TMEM181: variants seen among roughly 807,000 people sequenced by gnomAD.
TMEM181 encodes transmembrane protein 181, also known as G protein-coupled receptor 178.
In TMEM181, 39 loss-of-function variants were observed where a neutral mutation model predicts 71.9. The ratio of observed to expected loss-of-function variants is 0.54; its 90% CI spans 0.42 to 0.71. TMEM181 has a LOEUF of 0.71. Among genes scored for constraint, TMEM181 ranks in the 30% least tolerant of loss-of-function variants. The pLI is 0.00. For missense variants in TMEM181, 595 were observed against 583.0 expected (o/e 1.02, Z -0.21); for synonymous variants, 245 against 228.8 (o/e 1.07, Z -0.64).
Position 158,629,773 on chromosome 6 carries a change from C to G in TMEM181, c.1236C>G (p.Leu412=), listed in dbSNP as rs1333237690. 6 of 1,613,844 alleles carry G rather than the reference C, an allele frequency of 3.7e-6. No individual in the cohort carries two copies. The Admixed American group carries it at 5.0e-5, about 13-fold the overall frequency. ...LSFYGLLNFY[L]YTLAFVYSPS... is the part of the protein sequence containing the mutation. ...TCTATGGCCTGTTGAACTTCTATCTCTACACCTTGGCCTTTGTATATTCTC... is the reference window on the plus strand; with the variant it reads ...TCTATGGCCTGTTGAACTTCTATCTGTACACCTTGGCCTTTGTATATTCTC... Residue 412 remains leucine (L), a synonymous_variant, in exon 15 of 17, where the codon CTC becomes CTG. Coordinates refer to ENST00000684151, the MANE Select transcript of TMEM181 (RefSeq NM_001376852.1).
At chr6:158,596,639 A>AT (rs1784403612) in intron 6 of TMEM181, among the ~76,000 whole-genome samples, 2 of 152,144 alleles carry the variant, frequency 1.3e-5, no homozygotes, top group African/African-American at 2.4e-5. Context: ...GTCTGTTTTC[A>AT]TGCTGCTGAC....
chr6:158,583,441 G>A (rs929131228), intron 3 of TMEM181, among the ~76,000 whole-genome samples: 13 of 152,102 alleles, frequency 8.5e-5, no homozygotes, highest in African/African-American at 3.1e-4. Context: ...AGAGACAGAC[G>A]TGAATTGCTG....
At chr6:158,599,241 A>G (rs1561677) in intron 6 of TMEM181, among the ~76,000 whole-genome samples, 1 of 152,036 alleles carries the variant, frequency 6.6e-6, no homozygotes, top group African/African-American at 2.4e-5. Flanking sequence ...TGCACGGAGG[A>G]CAAGGTTGTG....
At chr6:158,568,942 G>A (rs142006494) in intron 1 of TMEM181, among the ~76,000 whole-genome samples, 5,757 of 152,240 alleles carry the variant, frequency 0.038, 341 homozygotes, top group Admixed American at 0.18. Context: ...TGTTTCTGAG[G>A]TTTCTGAAGT....
chr6:158,619,328 T>C (rs1038956881), intron 10 of TMEM181, among the ~76,000 whole-genome samples: 4 of 152,230 alleles, frequency 2.6e-5, no homozygotes, highest in Non-Finnish European at 1.5e-5. Context: ...TCTTATGCCA[T>C]GGTTTTCAGC....
chr6:158,603,452 C>T (rs73014237), intron 6 of TMEM181, among the ~76,000 whole-genome samples: 1 of 152,322 alleles, frequency 6.6e-6, no homozygotes, highest in Non-Finnish European at 1.5e-5. Context: ...CTCGCTGGCC[C>T]ACTGCTCATC....
chr6:158,562,013 G>A (rs190762780), intron 1 of TMEM181, among the ~76,000 whole-genome samples: 27 of 152,254 alleles, frequency 1.8e-4, no homozygotes, highest in Middle Eastern at 3.4e-3. Flanking sequence ...AGGTGAGAAA[G>A]GTGAGAAAGA....
chr6:158,581,131 C>CA (rs1783446802), intron 3 of TMEM181, 136 bp downstream of exon 3: 3 of 782,994 alleles, frequency 3.8e-6, no homozygotes, highest in Non-Finnish European at 6.1e-6. Flanking sequence ...ATTTCTTCTT[C>CA]CATTGTCAGC....
intron 1 of TMEM181, among the ~76,000 whole-genome samples, chr6:158,561,642 G>A (rs991313864): frequency 2.6e-5 from 4 of 152,306 alleles, no homozygotes; most frequent in Admixed American, 2.0e-4. Context: ...AGGGTCCTGC[G>A]CTGTTACAGG....
rs1786785648 is a variant in TMEM181, at chr6:158,633,718, T to G, written c.*1830T>G. ...AATATGGATTCTATTCACATTTGTT[T>G]TAAAAACCTTGTAAATATGAATGTT... On this transcript the variant is annotated 3_prime_UTR_variant, in exon 17 of 17. Coordinates refer to ENST00000684151, the MANE Select transcript of TMEM181 (RefSeq NM_001376852.1). The G allele has an allele frequency of 6.6e-6, 1 of 152,240 alleles. No homozygotes were observed. 9.4% of individuals were successfully genotyped at this position (152,240 alleles called of 1,614,324 possible). A position where few individuals can be genotyped will look rare whatever the true frequency, so the allele number is the denominator to read the frequency against.
upstream of TMEM181, among the ~76,000 whole-genome samples, chr6:158,557,521 T>TTTA (rs1781941596): frequency 6.6e-6 from 1 of 151,496 alleles, no homozygotes; most frequent in African/African-American, 2.4e-5. Context: ...TATTTATTTA[T>TTTA]TTATTTATTT....
intron 1 of TMEM181, among the ~76,000 whole-genome samples, chr6:158,564,287 G>A (rs1782357696): frequency 6.6e-6 from 1 of 152,184 alleles, no homozygotes; most frequent in Non-Finnish European, 1.5e-5. Flanking sequence ...TCCACATTCT[G>A]GGTGTGCATT....
intron 7 of TMEM181, among the ~76,000 whole-genome samples, 197 bp downstream of exon 7, chr6:158,605,544 T>C (rs1302086796): frequency 6.6e-5 from 10 of 152,200 alleles, no homozygotes. Flanking sequence ...TGGTATCATG[T>C]ATTCAGGATT....
At chr6:158,561,365 C>G (rs544024115) in intron 1 of TMEM181, among the ~76,000 whole-genome samples, 1 of 152,290 alleles carries the variant, frequency 6.6e-6, no homozygotes, top group Non-Finnish European at 1.5e-5. Context: ...TTTTAAAAGC[C>G]AAGTGGAGGT....
intron 7 of TMEM181, 77 bp from the exon 8 acceptor site, chr6:158,607,167 T>C (rs1345842430): frequency 1.2e-5 from 14 of 1,189,664 alleles, no homozygotes; most frequent in Non-Finnish European, 1.4e-5. Flanking sequence ...CAACCTGGTA[T>C]GCCGGCAAGG....
At chr6:158,609,959 C>T (rs1283185328) in intron 10 of TMEM181, 2 of 226,446 alleles carry the variant, frequency 8.8e-6, no homozygotes, top group African/African-American at 4.6e-5. Flanking sequence ...TGCCATGAGG[C>T]CCACCGACGT....
chr6:158,550,270 C>T (rs1051424669), intron 1 of TMEM181, among the ~76,000 whole-genome samples: 1 of 151,698 alleles, frequency 6.6e-6, no homozygotes, highest in Non-Finnish European at 1.5e-5. Flanking sequence ...GTCTCGAACT[C>T]CTGACCTCAG....
At chr6:158,586,408 A>T (rs191650329) in intron 5 of TMEM181, among the ~76,000 whole-genome samples, 1 of 152,252 alleles carries the variant, frequency 6.6e-6, no homozygotes, top group African/African-American at 2.4e-5. Context: ...AGTACCGTCC[A>T]CTCATTGTCT....
intron 10 of TMEM181, among the ~76,000 whole-genome samples, chr6:158,617,795 A>C (rs553949816): frequency 6.6e-6 from 1 of 152,282 alleles, no homozygotes; most frequent in African/African-American, 2.4e-5. Context: ...GTTTTGAGTG[A>C]GTTTCTTAAT....
Sources: allele counts gnomAD v4.1 joint callset (sites outside exome capture counted in the v4.1 genomes callset), GRCh38; gene constraint gnomAD v4.1.1; transcripts MANE v1.5; gene names NCBI Gene and HGNC (gene_info 2026-07-23, HGNC 2026-07-21).